Variants in TP63 observed in about 807,000 individuals in gnomAD.
TP63 encodes tumor protein 63.
Under a neutral mutation model 82.8 loss-of-function variants are expected in TP63, and 17 were observed. That is an observed-to-expected ratio of 0.21 (90% confidence interval 0.14 to 0.31). TP63 has a LOEUF of 0.31. Among genes scored for constraint, TP63 ranks in the 10% least tolerant of loss-of-function variants. TP63 has a pLI of 1.00. For synonymous variants in TP63, 330 were observed against 321.7 expected, an observed-to-expected ratio of 1.03 and a Z score of -0.28; for missense variants, 648 against 895.3, an observed-to-expected ratio of 0.72 and a Z score of 3.52.
intron 13 of TP63, among the ~76,000 whole-genome samples, chr3:189,891,846 G>A (rs1721049590): frequency 6.6e-6 from 1 of 152,140 alleles, no homozygotes; most frequent in Non-Finnish European, 1.5e-5. Flanking sequence ...ACTTTGGACT[G>A]CGGGAAGAAG....
At chr3:189,855,493 T>A in intron 4 of TP63, among the ~76,000 whole-genome samples, 1 of 152,166 alleles carries the variant, frequency 6.6e-6, no homozygotes, top group East Asian at 1.9e-4. Context: ...GTGTTATTTT[T>A]AACTGGAGTA....
chr3:189,652,697 T>G (rs1376058443), intron 1 of TP63, among the ~76,000 whole-genome samples: 1 of 146,842 alleles, frequency 6.8e-6, no homozygotes, highest in East Asian at 2.4e-4. Context: ...CATCTTGAAT[T>G]TTAGTTCCCA....
intron 4 of TP63, among the ~76,000 whole-genome samples, chr3:189,808,947 A>G (rs529513716): frequency 6.6e-6 from 1 of 152,330 alleles, no homozygotes; most frequent in South Asian, 2.1e-4. Flanking sequence ...AAACTGAGTA[A>G]AATAATAAAT....
chr3:189,743,109 A>G lies in TP63; in HGVS notation c.324+4335A>G, dbSNP rs138735366. ...TCATAACAAAAGCTTAATAACCCCA[A>G]TAAACTAAATATTCAAAATTTAATA... On this transcript the variant is annotated intron_variant, in intron 3 of 13. Coordinates refer to ENST00000264731, the MANE Select transcript of TP63 (RefSeq NM_003722.5). 1.9e-3 allele frequency among the ~76,000 whole-genome samples: 283 copies of G among 152,308 alleles called. 1 individual carries two copies. The highest frequency in any genetic ancestry group is 6.2e-3 in the African/African-American group (259 of 41,576).
chr3:189,695,566 G>C (rs1171304266), intron 1 of TP63, among the ~76,000 whole-genome samples: 2 of 152,182 alleles, frequency 1.3e-5, no homozygotes, highest in East Asian at 3.8e-4. Flanking sequence ...TCAGCTGACA[G>C]AGCAAGGAAA....
chr3:189,706,549 C>T (rs899214723), intron 1 of TP63, among the ~76,000 whole-genome samples: 2 of 152,152 alleles, frequency 1.3e-5, no homozygotes, highest in African/African-American at 4.8e-5. Flanking sequence ...CCACCGTGCC[C>T]GGCCGTGAAT....
At position 189,756,998 on chromosome 3, in the gene TP63, T is replaced by C. The variant is rs140402836; in HGVS notation, c.324+18224T>C. On this transcript the variant is annotated intron_variant, in intron 3 of 13. Coordinates refer to ENST00000264731, the MANE Select transcript of TP63 (RefSeq NM_003722.5). ...CTGGCTAAAAAGAATCTGATTTGTT[T>C]GAAGTAATACTCATGCTATTAGTCA... 8.7e-3 allele frequency among the ~76,000 whole-genome samples: 1,330 copies of C among 152,326 alleles called. 15 individuals carry two copies. The highest frequency in any genetic ancestry group is 0.035 in the Admixed American group (529 of 15,306).
the TP63 span, among the ~76,000 whole-genome samples, chr3:189,615,771 C>T: frequency 2.0e-5 from 3 of 152,166 alleles, no homozygotes; most frequent in Non-Finnish European, 2.9e-5. Flanking sequence ...GAAGTAGATG[C>T]CCACGCTCCT....
At chr3:189,848,310 C>T (rs1715185783) in intron 4 of TP63, among the ~76,000 whole-genome samples, 2 of 141,900 alleles carry the variant, frequency 1.4e-5, no homozygotes, top group Admixed American at 7.8e-5. Flanking sequence ...GGATGGCTCA[C>T]TGTAACCTCA....
rs185092756 is a variant in TP63 at position 189,734,845 on chromosome 3, A to G, written c.63-2895A>G. On this transcript the variant is annotated intron_variant, in intron 1 of 13. Coordinates refer to ENST00000264731, the MANE Select transcript of TP63 (RefSeq NM_003722.5). ...TGACCTTTTCCAACCTGCCTATTCC[A>G]GGATTTCTTACCATGCCATTCCCTT... Among the ~76,000 whole-genome samples, 19 of 152,268 alleles carry G rather than the reference A, an allele frequency of 1.2e-4. No homozygotes were observed. In the East Asian group the frequency reaches 3.5e-3, roughly 28 times the overall value.
intron 9 of TP63, among the ~76,000 whole-genome samples, chr3:189,872,581 A>G (rs1718563335): frequency 6.6e-6 from 1 of 152,144 alleles, no homozygotes; most frequent in African/African-American, 2.4e-5. Flanking sequence ...TAGACCATGA[A>G]AAGAACGTGG....
chr3:189,705,413 A>T (rs1017208807), intron 1 of TP63, among the ~76,000 whole-genome samples: 10 of 152,016 alleles, frequency 6.6e-5, no homozygotes, highest in African/African-American at 2.4e-4. Context: ...AACGCTTTTC[A>T]TTCTTATTCT....
At chr3:189,814,095 T>C (rs574649273) in intron 4 of TP63, among the ~76,000 whole-genome samples, 3 of 152,286 alleles carry the variant, frequency 2.0e-5, no homozygotes, top group Admixed American at 1.3e-4. Context: ...CTCACTCCCT[T>C]TGGCTCCGCA....
At chr3:189,830,785 A>C (rs1712212082) in intron 4 of TP63, among the ~76,000 whole-genome samples, 1 of 152,186 alleles carries the variant, frequency 6.6e-6, no homozygotes. Flanking sequence ...GATACTATTA[A>C]ATTTCTTTGG....
intron 1 of TP63, among the ~76,000 whole-genome samples, chr3:189,692,076 A>T (rs1465833478): frequency 2.0e-5 from 3 of 152,146 alleles, no homozygotes; most frequent in African/African-American, 7.2e-5. Context: ...TAATAACATT[A>T]TTTCTAGCAC....
chr3:189,657,742 A>C (rs9867905), intron 1 of TP63, among the ~76,000 whole-genome samples: 60,944 of 151,846 alleles, frequency 0.4, 13,431 homozygotes, highest in Middle Eastern at 0.64. Flanking sequence ...GAATTTATTT[A>C]TGTTTACCTT....
chr3:189,697,263 C>T (rs1453984609), intron 1 of TP63, among the ~76,000 whole-genome samples: 1 of 131,192 alleles, frequency 7.6e-6, no homozygotes, highest in Non-Finnish European at 1.6e-5. Context: ...TATGGACACT[C>T]GATTGTTTCA....
intron 3 of TP63, among the ~76,000 whole-genome samples, chr3:189,756,454 A>C (rs1722197799): frequency 6.6e-6 from 1 of 152,226 alleles, no homozygotes; most frequent in Non-Finnish European, 1.5e-5. Context: ...AAGAGTGCCA[A>C]GTCGGGGACT....
intron 3 of TP63, among the ~76,000 whole-genome samples, chr3:189,785,554 AT>A (rs1356575564): frequency 6.6e-6 from 1 of 152,122 alleles, no homozygotes; most frequent in Non-Finnish European, 1.5e-5. Context: ...GCTTTAAAGA[AT>A]CTAAAAGTAT....
Sources: allele counts gnomAD v4.1 joint callset (sites outside exome capture counted in the v4.1 genomes callset), GRCh38; gene constraint gnomAD v4.1.1; transcripts MANE v1.5; gene names NCBI Gene and HGNC (gene_info 2026-07-23, HGNC 2026-07-21).